STXBP5L: variants seen among roughly 807,000 people sequenced by gnomAD.
STXBP5L encodes the protein syntaxin-binding protein 5-like.
A neutral mutation model predicts 144.5 loss-of-function variants in STXBP5L; 65 were observed. The ratio of observed to expected loss-of-function variants is 0.45; its 90% CI spans 0.37 to 0.55. STXBP5L has a LOEUF of 0.55. Among genes scored for constraint, STXBP5L ranks in the 20% least tolerant of loss-of-function variants. STXBP5L has a pLI of 0.00. For synonymous variants in STXBP5L, 505 were observed against 469.6 expected (o/e 1.08, Z -0.97); for missense variants, 1,298 against 1,405.5 (o/e 0.92, Z 1.22).
chr3:121,321,049 T>A (rs561385354), intron 20 of STXBP5L, among the ~76,000 whole-genome samples: 1 of 152,176 alleles, frequency 6.6e-6, no homozygotes, highest in Non-Finnish European at 1.5e-5. Flanking sequence ...TGCATGCAAT[T>A]AAGTAGATTG....
At chr3:121,061,021 A>G (rs559441760) in intron 5 of STXBP5L, among the ~76,000 whole-genome samples, 2 of 152,016 alleles carry the variant, frequency 1.3e-5, no homozygotes, top group East Asian at 3.9e-4. Context: ...TACCTTTTGA[A>G]TATGTTTGCT....
intron 9 of STXBP5L, among the ~76,000 whole-genome samples, chr3:121,189,227 TA>T (rs1453745175): frequency 2.0e-5 from 3 of 152,228 alleles, no homozygotes; most frequent in African/African-American, 7.2e-5. Flanking sequence ...TTAGTTTAAT[TA>T]GATCCCATTT....
chr3:121,274,679 AT>A (rs1260126460), intron 18 of STXBP5L, among the ~76,000 whole-genome samples: 1 of 152,000 alleles, frequency 6.6e-6, no homozygotes, highest in African/African-American at 2.4e-5. Flanking sequence ...GCACAGGTGC[AT>A]TTTTTTTATT....
intron 9 of STXBP5L, among the ~76,000 whole-genome samples, chr3:121,174,850 T>C (rs2046869773): frequency 6.6e-6 from 1 of 152,088 alleles, no homozygotes; most frequent in Non-Finnish European, 1.5e-5. Flanking sequence ...TCTATTTATT[T>C]TATTGACAAA....
At chr3:121,168,903 TA>T (rs1453822003) in intron 9 of STXBP5L, among the ~76,000 whole-genome samples, 1 of 152,018 alleles carries the variant, frequency 6.6e-6, no homozygotes, top group Non-Finnish European at 1.5e-5. Context: ...TTACCAAGGT[TA>T]AAATGAAGGA....
chr3:121,012,402 A>T (rs1944841913), intron 3 of STXBP5L, among the ~76,000 whole-genome samples: 1 of 151,840 alleles, frequency 6.6e-6, no homozygotes, highest in South Asian at 2.1e-4. Flanking sequence ...TGAATTCCAA[A>T]AAGGTTGCAT....
At chr3:121,045,898 T>A (rs532064656) in intron 5 of STXBP5L, among the ~76,000 whole-genome samples, 11 of 152,304 alleles carry the variant, frequency 7.2e-5, no homozygotes, top group Middle Eastern at 3.4e-3. Context: ...ACTTCCAGTC[T>A]ATGTTGACTA....
At chr3:121,357,265 A>G (rs527434760) in intron 20 of STXBP5L, 4 of 209,874 alleles carry the variant, frequency 1.9e-5, no homozygotes, top group Non-Finnish European at 4.3e-5. Flanking sequence ...ACTTTTGTGA[A>G]GTGGTCCCTC....
Position 121,259,194 on chromosome 3 carries a change from A to G in STXBP5L, c.1958+26A>G, listed in dbSNP as rs151181178. ...GTAAGTAATTAAACTTTTTTATGATATGTATTATTTAGCTAATATGTTTGA... is the reference window on the plus strand; with the variant it reads ...GTAAGTAATTAAACTTTTTTATGATGTGTATTATTTAGCTAATATGTTTGA... On this transcript the variant is annotated intron_variant, in intron 18 of 26. Coordinates refer to ENST00000471454, the MANE Select transcript of STXBP5L (RefSeq NM_001308330.2). 123 of 1,507,272 alleles carry G rather than the reference A, an allele frequency of 8.2e-5. 1 individual carries two copies. In the African/African-American group the frequency reaches 1.4e-3, roughly 18 times the overall value. 93.4% of individuals were successfully genotyped at this position (1,507,272 alleles called of 1,614,324 possible). A position where few individuals can be genotyped will look rare whatever the true frequency, so the allele number is the denominator to read the frequency against.
At chr3:121,223,397 T>C (rs2049030427) in intron 11 of STXBP5L, among the ~76,000 whole-genome samples, 1 of 152,164 alleles carries the variant, frequency 6.6e-6, no homozygotes, top group African/African-American at 2.4e-5. Context: ...TTTGATTAGA[T>C]GGTGGAAGCT....
intron 20 of STXBP5L, among the ~76,000 whole-genome samples, chr3:121,330,849 T>C (rs973723864): frequency 8.5e-5 from 13 of 152,180 alleles, no homozygotes; most frequent in Non-Finnish European, 1.8e-4. Context: ...ACAGCTGGCA[T>C]TTGAGAAAGC....
intron 2 of STXBP5L, among the ~76,000 whole-genome samples, chr3:120,948,025 A>G (rs1164972454): frequency 6.6e-6 from 1 of 151,800 alleles, no homozygotes; most frequent in Non-Finnish European, 1.5e-5. Flanking sequence ...GGAACTACCA[A>G]TCTATTTTCC....
intron 2 of STXBP5L, among the ~76,000 whole-genome samples, chr3:120,949,332 T>C (rs1389910647): frequency 2.6e-5 from 4 of 152,114 alleles, no homozygotes; most frequent in Non-Finnish European, 5.9e-5. Context: ...CTCAGATGCA[T>C]AGTTAGTGAA....
At chr3:121,116,346 T>C (rs1307356611) in intron 6 of STXBP5L, among the ~76,000 whole-genome samples, 1 of 152,140 alleles carries the variant, frequency 6.6e-6, no homozygotes, top group Non-Finnish European at 1.5e-5. Flanking sequence ...TCAATATGCA[T>C]GTATATTGCT....
At chr3:121,199,781 A>G (rs1359926553) in intron 9 of STXBP5L, among the ~76,000 whole-genome samples, 1 of 151,916 alleles carries the variant, frequency 6.6e-6, no homozygotes, top group Non-Finnish European at 1.5e-5. Flanking sequence ...GTGATGGATT[A>G]TGTTTATTGA....
At chr3:121,343,252 C>G (rs1205533109) in intron 20 of STXBP5L, among the ~76,000 whole-genome samples, 1 of 151,862 alleles carries the variant, frequency 6.6e-6, no homozygotes, top group Non-Finnish European at 1.5e-5. Flanking sequence ...AGCCCTTTGT[C>G]AGATGGGTAG....
intron 20 of STXBP5L, among the ~76,000 whole-genome samples, chr3:121,355,843 TGATGTTGGTGACCTACA>T (rs1418269634): frequency 1.3e-5 from 2 of 152,236 alleles, no homozygotes; most frequent in Non-Finnish European, 2.9e-5. Flanking sequence ...CTTTGGTCTT[TGATGTTGGTGACCTACA>T]GATGGGGTTT....
At chr3:121,226,008 A>G (rs1444070225) in intron 11 of STXBP5L, among the ~76,000 whole-genome samples, 1 of 152,182 alleles carries the variant, frequency 6.6e-6, no homozygotes, top group East Asian at 1.9e-4. Context: ...GTACATACTG[A>G]TATCCTTGAG....
At chr3:121,145,866 T>C (rs752656999) in intron 7 of STXBP5L, among the ~76,000 whole-genome samples, 3 of 152,040 alleles carry the variant, frequency 2.0e-5, no homozygotes, top group Non-Finnish European at 4.4e-5. Flanking sequence ...CCATTTGAAT[T>C]AGTAGGCTGA....
Sources: allele counts gnomAD v4.1 joint callset (sites outside exome capture counted in the v4.1 genomes callset), GRCh38; gene constraint gnomAD v4.1.1; transcripts MANE v1.5; gene names NCBI Gene and HGNC (gene_info 2026-07-23, HGNC 2026-07-21).